Variants in NUP210 observed in about 807,000 individuals in gnomAD.
NUP210 encodes nucleoporin 210, also known as nuclear pore membrane glycoprotein 210.
In NUP210, 151 loss-of-function variants were observed where a neutral mutation model predicts 196.0. The ratio of observed to expected loss-of-function variants is 0.77; its 90% CI spans 0.67 to 0.88. The LOEUF (loss-of-function observed/expected upper bound fraction) is 0.88, where lower values mean the gene tolerates loss of function less well. Ranked by LOEUF, NUP210 falls within the 40% of genes least tolerant of loss-of-function variation. The pLI is 0.00. For synonymous variants in NUP210, 1,070 were observed against 1,052.7 expected (o/e 1.02, Z -0.32); for missense variants, 2,314 against 2,493.7 (o/e 0.93, Z 1.53).
At chr3:13,407,252 T>A (rs1443228273) in intron 1 of NUP210, among the ~76,000 whole-genome samples, 1 of 152,190 alleles carries the variant, frequency 6.6e-6, no homozygotes, top group African/African-American at 2.4e-5. Context: ...ACTTTGCTTT[T>A]TAAAGAAAGG....
chr3:13,396,760 C>CAAAA (rs71066951), intron 3 of NUP210, among the ~76,000 whole-genome samples: 42 of 61,890 alleles, frequency 6.8e-4, no homozygotes, highest in African/African-American at 1.0e-3. Context: ...GACTCTGTCT[C>CAAAA]AAAAAAAAAA....
intron 9 of NUP210, among the ~76,000 whole-genome samples, chr3:13,377,252 C>T (rs1053601730): frequency 1.3e-5 from 2 of 152,156 alleles, no homozygotes; most frequent in Non-Finnish European, 2.9e-5. Context: ...GCAGCTAGGC[C>T]GGTGTGCAGG....
chr3:13,351,434 T>A (rs1273461272), intron 20 of NUP210, among the ~76,000 whole-genome samples: 4 of 152,246 alleles, frequency 2.6e-5, no homozygotes, highest in Non-Finnish European at 5.9e-5. Flanking sequence ...AGTTGTAGAA[T>A]GAATCAGAGA....
intron 18 of NUP210, 58 bp from the exon 19 acceptor site, chr3:13,352,242 G>A: frequency 7.5e-7 from 1 of 1,327,348 alleles, no homozygotes; most frequent in Admixed American, 1.8e-5. Flanking sequence ...CTGCCCCTCG[G>A]GAAGAACAGG....
intron 14 of NUP210, among the ~76,000 whole-genome samples, chr3:13,364,571 G>A (rs942447325): frequency 1.3e-5 from 2 of 152,238 alleles, no homozygotes; most frequent in Non-Finnish European, 2.9e-5. Flanking sequence ...GCTCACGCCT[G>A]TAATCCCAGC....
rs756745885 is a variant in NUP210, at chr3:13,388,300, C to A, written c.684+3G>T. On this transcript the variant is annotated splice_donor_region_variant and intron_variant, in intron 5 of 39. Transcript: ENST00000254508. The stretch of plus-strand genomic sequence containing the variant: ...CACTGACACCCCAGCGCCCCAGGCC[C>A]ACCTTGTAGACAGCCTCCTGGATGC... The A allele has an allele frequency of 2.5e-6, 4 of 1,599,686 alleles. No homozygotes were observed. Among genetic ancestry groups the A allele is most frequent in the Non-Finnish European group, 3.4e-6 (4 of 1,174,022 alleles).
At chr3:13,358,125 T>C in intron 16 of NUP210, 97 bp downstream of exon 16, 1 of 1,096,164 alleles carries the variant, frequency 9.1e-7, no homozygotes, top group Admixed American at 2.2e-5. Context: ...TGGAGCTATG[T>C]CCGTTGCAAT....
rs1696607911 is a variant in NUP210, at chr3:13,323,194, T to C, written c.4768+115A>G. 9.0e-6 allele frequency: 12 copies of C among 1,328,738 alleles called. No individual in the cohort carries two copies. The South Asian group carries it at 1.5e-4, about 17-fold the overall frequency. 82.3% of individuals were successfully genotyped at this position (1,328,738 alleles called of 1,614,324 possible). The stretch of plus-strand genomic sequence containing the variant: ...ATGAGTGGGGGCTAAATGCCCTCTC[T>C]GGAGTTGGTGTGAGTGTGAATAGGA... On this transcript the variant is annotated intron_variant, in intron 34 of 39. Coordinates refer to ENST00000254508, the MANE Select transcript of NUP210 (RefSeq NM_024923.4). This position sits in a 1 kb window ranked among gnomAD's most constrained non-coding sequence, Gnocchi z 4.3.
chr3:13,397,793 GT>G (rs1188487163), intron 2 of NUP210, among the ~76,000 whole-genome samples: 1 of 152,250 alleles, frequency 6.6e-6, no homozygotes, highest in Non-Finnish European at 1.5e-5. Flanking sequence ...ATTCCGTGAA[GT>G]GACAAGGGTT....
intron 16 of NUP210, chr3:13,354,799 G>A (rs1698112897): frequency 6.6e-6 from 1 of 152,360 alleles, no homozygotes; most frequent in African/African-American, 2.4e-5. Flanking sequence ...GTCAGGGAAA[G>A]GAGCTCATCC....
chr3:13,379,724 G>A lies in NUP210; in HGVS notation c.818-3C>T. On this transcript the variant is annotated splice_region_variant and splice_polypyrimidine_tract_variant and intron_variant, in intron 6 of 39. Coordinates refer to ENST00000254508, the MANE Select transcript of NUP210 (RefSeq NM_024923.4). The surrounding 1 kb of genome is among the most constrained non-coding windows in gnomAD (Gnocchi z 4.2). Reference sequence around the variant, plus strand: ...CTGATCGGAAGGCATGGAGAGTTCTGGCCACCAAGAAACAAAAAATAACAG... The same window carrying A: ...CTGATCGGAAGGCATGGAGAGTTCTAGCCACCAAGAAACAAAAAATAACAG... 1 of 1,560,880 alleles carries A rather than the reference G, an allele frequency of 6.4e-7. No homozygotes were observed. Among genetic ancestry groups the A allele is most frequent in the Non-Finnish European group, 8.7e-7 (1 of 1,153,840 alleles).
At chr3:13,358,164 G>A in intron 16 of NUP210, 58 bp downstream of exon 16, 2 of 1,505,756 alleles carry the variant, frequency 1.3e-6, no homozygotes, top group East Asian at 2.3e-5. Flanking sequence ...GGCCACCAAT[G>A]TCCTCCTGCC....
rs1333821437 is a variant in NUP210 at position 13,350,244 on chromosome 3, AAC to A, written c.2835+1633_2835+1634del. ...TGTGTGTGTGTGTGTTCAGCAAAAT[AAC>A]ACAGCCTGTGTGTTTGTGTGTGTGT... On this transcript the variant is annotated intron_variant, in intron 20 of 39. Transcript: ENST00000254508. The surrounding 1 kb of genome is among the most constrained non-coding windows in gnomAD (Gnocchi z 4.1). Among the ~76,000 whole-genome samples, 4 of 140,352 alleles carry A rather than the reference AAC, an allele frequency of 2.8e-5. No homozygotes were observed. The East Asian group carries it at 7.9e-4, about 28-fold the overall frequency. The allele number at this position is 140,352 out of a possible 152,430, so 92.1% of individuals were successfully genotyped here. A position where few individuals can be genotyped will look rare whatever the true frequency, so the allele number is the denominator to read the frequency against.
chr3:13,352,075 T>C lies in NUP210; in HGVS notation c.2733+5A>G, dbSNP rs1553599940. 5.6e-6 allele frequency: 9 copies of C among 1,613,064 alleles called. No individual in the cohort carries two copies. The highest frequency in any genetic ancestry group is 7.6e-6 in the Non-Finnish European group (9 of 1,179,018). On this transcript the variant is annotated splice_donor_5th_base_variant and intron_variant, in intron 19 of 39. Transcript: ENST00000254508. ...CCCAGGAAGGTGGCAGGGCAAGGAC[T>C]GTACCTGGATGCCAGGGTGGTTGTA...
intron 33 of NUP210, among the ~76,000 whole-genome samples, chr3:13,325,207 A>G (rs1283729761): frequency 1.3e-5 from 2 of 152,158 alleles, no homozygotes; most frequent in Non-Finnish European, 2.9e-5. Context: ...GGCTCTTTCC[A>G]GGAGAGCACA....
intron 20 of NUP210, chr3:13,345,103 C>T (rs1226422113): frequency 1.0e-6 from 1 of 985,442 alleles, no homozygotes; most frequent in Non-Finnish European, 1.2e-6. Context: ...CCTACGAGCA[C>T]ATCTTGATTG....
In NUP210 at chr3:13,366,205, T is replaced by C. The variant is rs1386373809; in HGVS notation, c.1787-114A>G. On this transcript the variant is annotated intron_variant, in intron 13 of 39. Coordinates refer to ENST00000254508, the MANE Select transcript of NUP210 (RefSeq NM_024923.4). ...GTACAGTGGCATGATCTTGGCTCAC[T>C]GCGACCTCCGCCTCCGGGGTTCAAG... 3.9e-6 allele frequency: 4 copies of C among 1,020,774 alleles called. No individual in the cohort carries two copies. In the African/African-American group the frequency reaches 4.9e-5, roughly 12 times the overall value. The allele number at this position is 1,020,774 out of a possible 1,614,324, so 63.2% of individuals were successfully genotyped here. A position where few individuals can be genotyped will look rare whatever the true frequency, so the allele number is the denominator to read the frequency against.
intron 1 of NUP210, among the ~76,000 whole-genome samples, chr3:13,408,275 T>C (rs976922811): frequency 6.6e-6 from 1 of 152,232 alleles, no homozygotes; most frequent in African/African-American, 2.4e-5. Flanking sequence ...GATTAGCTAG[T>C]ATTTTAAAAA....
At chr3:13,385,115 T>G (rs973777177) in intron 6 of NUP210, among the ~76,000 whole-genome samples, 11 of 152,194 alleles carry the variant, frequency 7.2e-5, no homozygotes, top group Non-Finnish European at 1.3e-4. Flanking sequence ...AGTTTTTTTG[T>G]CCTCCTGAGA....
Sources: gnomAD v4.1 joint callset for allele counts (sites outside exome capture counted in the v4.1 genomes callset) on GRCh38, gnomAD v4.1.1 for gene constraint, Gnocchi (gnomAD v3.1) non-coding constraint, MANE v1.5 for transcripts, NCBI Gene and HGNC (gene_info 2026-07-23, HGNC 2026-07-21) for gene names.